The following MOB3B variants were observed in gnomAD, a reference collection of about 807,000 sequenced individuals.
MOB3B encodes the protein MOB kinase activator 3B.
A neutral mutation model predicts 18.7 loss-of-function variants in MOB3B; 7 were observed. The ratio of observed to expected loss-of-function variants is 0.37; its 90% CI spans 0.21 to 0.70. The LOEUF (loss-of-function observed/expected upper bound fraction) is 0.70, where lower values mean the gene tolerates loss of function less well. MOB3B is among the 30% of genes least tolerant of loss of function. The pLI is 0.52. For missense variants in MOB3B, 253 were observed against 281.3 expected (o/e 0.90, Z 0.72); for synonymous variants, 111 against 99.9 (o/e 1.11, Z -0.66).
At chr9:27,471,115 A>C (rs935798579) in intron 1 of MOB3B, among the ~76,000 whole-genome samples, 1 of 152,082 alleles carries the variant, frequency 6.6e-6, no homozygotes. Flanking sequence ...TGCAAGTTTA[A>C]AATGCAGACT....
At chr9:27,425,324 G>A (rs535943059) in intron 2 of MOB3B, among the ~76,000 whole-genome samples, 3 of 150,550 alleles carry the variant, frequency 2.0e-5, no homozygotes, top group African/African-American at 7.3e-5. Context: ...GCGGTGAGCC[G>A]AGAGCGCGCC....
chr9:27,437,053 G>A (rs1194219373), intron 2 of MOB3B, among the ~76,000 whole-genome samples: 1 of 152,026 alleles, frequency 6.6e-6, no homozygotes, highest in Non-Finnish European at 1.5e-5. Flanking sequence ...AAAGCCTAGG[G>A]TGGCTGAAGT....
intron 1 of MOB3B, among the ~76,000 whole-genome samples, chr9:27,465,648 A>G (rs747605923): frequency 2.0e-5 from 3 of 152,202 alleles, no homozygotes; most frequent in Non-Finnish European, 2.9e-5. Context: ...CCGCCCCTGC[A>G]GCAAACTTTT....
Position 27,423,521 on chromosome 9 carries a change from G to A in MOB3B, c.418+31612C>T, listed in dbSNP as rs567709416. ...ACTTATACCCTGATCCTTAAAGAAG[G>A]TATGGAGCATTTAGTGTGGAGCATT... On this transcript the variant is annotated intron_variant, in intron 2 of 3. Transcript: ENST00000262244. Among the ~76,000 whole-genome samples the A allele has an allele frequency of 7.3e-4, 111 of 151,714 alleles. 1 individual carries two copies. Among genetic ancestry groups the A allele is most frequent in the Middle Eastern group, 6.8e-3 (2 of 294 alleles).
chr9:27,480,755 T>A (rs1203114348), intron 1 of MOB3B, among the ~76,000 whole-genome samples: 1 of 151,430 alleles, frequency 6.6e-6, no homozygotes, highest in Non-Finnish European at 1.5e-5. Context: ...TCTAAAGTAG[T>A]AGAAGAAAGG....
chr9:27,518,171 T>C (rs1266000418), intron 1 of MOB3B, among the ~76,000 whole-genome samples: 1 of 152,212 alleles, frequency 6.6e-6, no homozygotes, highest in Non-Finnish European at 1.5e-5. Flanking sequence ...TGCAAGCTGA[T>C]GGTAATTAAA....
intron 1 of MOB3B, among the ~76,000 whole-genome samples, chr9:27,492,631 T>C (rs1819835631): frequency 6.6e-6 from 1 of 152,246 alleles, no homozygotes; most frequent in Non-Finnish European, 1.5e-5. Context: ...CCAGGCATCA[T>C]GCTAGCAGGT....
chr9:27,359,379 G>GT (rs202178671), intron 2 of MOB3B, 143 bp from the exon 3 acceptor site: 7,605 of 182,286 alleles, frequency 0.042, 198 homozygotes, highest in Admixed American at 0.056. Context: ...GTGTGTGTGT[G>GT]GGGGGGGGGG....
intron 2 of MOB3B, among the ~76,000 whole-genome samples, chr9:27,384,732 G>A (rs775943272): frequency 6.6e-6 from 1 of 152,214 alleles, no homozygotes; most frequent in Non-Finnish European, 1.5e-5. Context: ...TCAGACGGAA[G>A]CATCTCTGTC....
At chr9:27,370,563 T>C (rs118115259) in intron 2 of MOB3B, among the ~76,000 whole-genome samples, 5,144 of 151,152 alleles carry the variant, frequency 0.034, 156 homozygotes, top group Non-Finnish European at 0.05. Flanking sequence ...TGTGAAGTTA[T>C]AGCAAAAACT....
rs1324125185 is a variant in MOB3B at position 27,357,143 on chromosome 9, TATG to T, written c.621+1888_621+1890del. Reference sequence around the variant, plus strand: ...GCAAATATATATATATATATATATATATGTGTTTTTTTTTTTGCCATATATTCT... The same window carrying T: ...GCAAATATATATATATATATATATATTGTTTTTTTTTTTGCCATATATTCT... On this transcript the variant is annotated intron_variant, in intron 3 of 3. Coordinates refer to ENST00000262244, the MANE Select transcript of MOB3B (RefSeq NM_024761.5). Among the ~76,000 whole-genome samples the T allele has an allele frequency of 8.6e-4, 67 of 78,188 alleles. 4 individuals are homozygous for T. Among genetic ancestry groups the T allele is most frequent in the African/African-American group, 3.1e-3 (64 of 20,324 alleles). The allele number at this position is 78,188 out of a possible 152,430, so 51.3% of individuals were successfully genotyped here.
intron 2 of MOB3B, chr9:27,378,695 G>T (rs994235974): frequency 2.1e-6 from 1 of 470,930 alleles, no homozygotes; most frequent in African/African-American, 2.0e-5. Flanking sequence ...GGAATCCTGT[G>T]CATCTTTGAG....
chr9:27,513,375 T>C (rs955484938), intron 1 of MOB3B, among the ~76,000 whole-genome samples: 16 of 152,128 alleles, frequency 1.1e-4, no homozygotes, highest in African/African-American at 3.9e-4. Context: ...TTCTCCAAAC[T>C]GTACCCCTAC....
At chr9:27,500,054 G>A (rs1364180986) in intron 1 of MOB3B, among the ~76,000 whole-genome samples, 2 of 152,096 alleles carry the variant, frequency 1.3e-5, no homozygotes, top group Non-Finnish European at 2.9e-5. Context: ...AAATGCTGTG[G>A]AAGGTTTGAC....
intron 1 of MOB3B, among the ~76,000 whole-genome samples, chr9:27,471,482 C>T (rs1294833402): frequency 6.6e-6 from 1 of 152,120 alleles, no homozygotes; most frequent in Non-Finnish European, 1.5e-5. Context: ...ATAGACTGGT[C>T]GTTAAGTAAA....
intron 2 of MOB3B, among the ~76,000 whole-genome samples, chr9:27,361,704 G>C (rs1563850043): frequency 6.6e-6 from 1 of 152,182 alleles, no homozygotes; most frequent in Non-Finnish European, 1.5e-5. Flanking sequence ...AATAGATTTG[G>C]GACAATTAAG....
At chr9:27,444,191 GAAAGAAAGAA>G (rs1362328454) in intron 2 of MOB3B, among the ~76,000 whole-genome samples, 2 of 138,734 alleles carry the variant, frequency 1.4e-5, no homozygotes, top group African/African-American at 5.5e-5. Flanking sequence ...AGGAAAGAAA[GAAAGAAAGAA>G]AAAGAAAGAA....
chr9:27,419,902 A>G (rs1822213427), intron 2 of MOB3B, among the ~76,000 whole-genome samples: 1 of 152,218 alleles, frequency 6.6e-6, no homozygotes, highest in African/African-American at 2.4e-5. Flanking sequence ...CACAATCTAT[A>G]CATCTGACAA....
intron 1 of MOB3B, among the ~76,000 whole-genome samples, chr9:27,472,963 T>C (rs1048655737): frequency 6.6e-6 from 1 of 152,258 alleles, no homozygotes; most frequent in Non-Finnish European, 1.5e-5. Context: ...TGCACGTCTT[T>C]ACATAACTGA....
Sources: allele counts gnomAD v4.1 joint callset (sites outside exome capture counted in the v4.1 genomes callset), GRCh38; gene constraint gnomAD v4.1.1; transcripts MANE v1.5; gene names NCBI Gene and HGNC (gene_info 2026-07-23, HGNC 2026-07-21).